Variants in VRK2 observed in about 807,000 individuals in gnomAD.
VRK2 encodes serine/threonine-protein kinase VRK2.
In VRK2, 60 loss-of-function variants were observed where a neutral mutation model predicts 57.6. The observed-to-expected ratio is 1.04, with a 90% confidence interval of 0.85 to 1.29. The LOEUF (loss-of-function observed/expected upper bound fraction) is 1.29. Ranked by LOEUF, VRK2 falls within the 50% of genes most tolerant of loss-of-function variation. The pLI is 0.00. For synonymous variants in VRK2, 231 were observed against 199.2 expected, an observed-to-expected ratio of 1.16 and a Z score of -1.35; for missense variants, 705 against 588.1, an observed-to-expected ratio of 1.20 and a Z score of -2.06.
chr2:57,988,083 G>A (rs946281181), intron 1 of VRK2, among the ~76,000 whole-genome samples: 2 of 152,090 alleles, frequency 1.3e-5, no homozygotes, highest in African/African-American at 4.8e-5. Flanking sequence ...TGTAATGGTG[G>A]TGGTTACACA....
intron 1 of VRK2, among the ~76,000 whole-genome samples, chr2:57,909,488 G>C (rs1427722213): frequency 6.6e-6 from 1 of 151,180 alleles, no homozygotes; most frequent in Non-Finnish European, 1.5e-5. Context: ...TTTTTTTTTA[G>C]TTCTCAAAAG....
At position 58,130,173 on chromosome 2, in the gene VRK2, CT is replaced by C. The variant is rs375358000; in HGVS notation, c.677-1634del. On this transcript the variant is annotated intron_variant, in intron 8 of 12. Transcript: ENST00000340157. Reference sequence around the variant, plus strand: ...TCTATTTTAATTCTGATTATTTTTCCTCAAAGGGCCTCTTGTGTGTAGCTTA... The same window carrying C: ...TCTATTTTAATTCTGATTATTTTTCCCAAAGGGCCTCTTGTGTGTAGCTTA... 1.0e-3 allele frequency among the ~76,000 whole-genome samples: 157 copies of C among 152,168 alleles called. 1 individual carries two copies. Among genetic ancestry groups the C allele is most frequent in the African/African-American group, 3.7e-3 (152 of 41,536 alleles).
chr2:58,104,630 T>G (rs1200966094), intron 7 of VRK2, among the ~76,000 whole-genome samples: 1 of 151,836 alleles, frequency 6.6e-6, no homozygotes, highest in Non-Finnish European at 1.5e-5. Context: ...ATGAGCACAG[T>G]GCCCAAAACA....
At chr2:58,095,579 A>C (rs1673020622) in intron 7 of VRK2, among the ~76,000 whole-genome samples, 1 of 151,980 alleles carries the variant, frequency 6.6e-6, no homozygotes, top group Non-Finnish European at 1.5e-5. Flanking sequence ...TTTTGTTTAT[A>C]TATATGAAGA....
intron 1 of VRK2, among the ~76,000 whole-genome samples, chr2:57,927,337 C>T (rs572431239): frequency 3.4e-5 from 5 of 149,004 alleles, no homozygotes; most frequent in Non-Finnish European, 5.9e-5. Flanking sequence ...AGTCCAGTGG[C>T]GTGATCTCGA....
At chr2:58,130,261 A>T (rs1212227413) in intron 8 of VRK2, among the ~76,000 whole-genome samples, 2 of 152,154 alleles carry the variant, frequency 1.3e-5, no homozygotes, top group African/African-American at 4.8e-5. Flanking sequence ...GAGATTTTTT[A>T]AGTGATGGTA....
intron 9 of VRK2, among the ~76,000 whole-genome samples, chr2:58,133,091 AAACT>A (rs1430301644): frequency 6.6e-6 from 1 of 152,130 alleles, no homozygotes; most frequent in Non-Finnish European, 1.5e-5. Flanking sequence ...CTATTTTAAA[AAACT>A]AACATTTTAA....
At chr2:57,950,197 A>G (rs1319395267) in intron 1 of VRK2, among the ~76,000 whole-genome samples, 3 of 152,190 alleles carry the variant, frequency 2.0e-5, no homozygotes, top group Admixed American at 6.5e-5. Context: ...TAAACAATAC[A>G]TTTTCCATGT....
At chr2:58,038,167 G>A (rs1674334348) in intron 3 of VRK2, among the ~76,000 whole-genome samples, 1 of 152,122 alleles carries the variant, frequency 6.6e-6, no homozygotes, top group Admixed American at 6.6e-5. Flanking sequence ...GAGAGGCCTG[G>A]TGGGAGGTGA....
At chr2:57,981,106 G>C (rs974231158) in intron 1 of VRK2, among the ~76,000 whole-genome samples, 1 of 152,104 alleles carries the variant, frequency 6.6e-6, no homozygotes, top group African/African-American at 2.4e-5. Flanking sequence ...ATGTAGATTT[G>C]ATTGTATAGT....
chr2:58,137,023 ATG>A (rs1217564280), intron 10 of VRK2, among the ~76,000 whole-genome samples: 3 of 131,436 alleles, frequency 2.3e-5, no homozygotes, highest in Non-Finnish European at 3.1e-5. Context: ...TATATCTCAT[ATG>A]TGTATATATA....
At chr2:58,033,160 G>C (rs1354016629) in intron 2 of VRK2, 1 of 152,022 alleles carries the variant, frequency 6.6e-6, no homozygotes, top group Non-Finnish European at 1.5e-5. Flanking sequence ...ACTGTGTTTT[G>C]AATTTTTAAG....
intron 1 of VRK2, among the ~76,000 whole-genome samples, chr2:57,928,344 T>C (rs921837675): frequency 1.3e-5 from 2 of 152,130 alleles, no homozygotes; most frequent in East Asian, 1.9e-4. Context: ...TTCTTTACTA[T>C]GTCCATTGCA....
chr2:58,068,778 T>G (rs1227198491), intron 2 of VRK2, among the ~76,000 whole-genome samples: 8 of 149,814 alleles, frequency 5.3e-5, no homozygotes, highest in African/African-American at 2.0e-4. Flanking sequence ...CTTTTTCTTA[T>G]GTCATCTCCC....
At chr2:58,044,299 A>C (rs1572823240), upstream of VRK2, among the ~76,000 whole-genome samples, 1 of 152,302 alleles carries the variant, frequency 6.6e-6, no homozygotes, top group South Asian at 2.1e-4. Context: ...TGTGTCCAGC[A>C]AACTTCTTTT....
At chr2:58,088,820 G>T (rs1019618654) in intron 6 of VRK2, among the ~76,000 whole-genome samples, 6 of 152,200 alleles carry the variant, frequency 3.9e-5, no homozygotes, top group Admixed American at 6.5e-5. Context: ...TGGTAGGGGG[G>T]TGCTATGAAG....
chr2:57,969,058 A>T lies in VRK2; in HGVS notation c.-438-56607A>T, dbSNP rs1672011139. 1.3e-5 allele frequency among the ~76,000 whole-genome samples: 2 copies of T among 152,094 alleles called. 1 individual carries two copies. The highest frequency in any genetic ancestry group is 4.1e-4 in the South Asian group (2 of 4,826). On this transcript the variant is annotated intron_variant, in intron 1 of 15. Transcript: ENST00000417641. ...TTTTCTTTTTTCAAAACACTTATTA[A>T]TGTATTATAAAATAGAGTGTTTGGG...
chr2:58,033,198 G>A (rs1558550746), intron 2 of VRK2: 1 of 151,974 alleles, frequency 6.6e-6, no homozygotes, highest in African/African-American at 2.4e-5. Flanking sequence ...CAACTCTGTG[G>A]TTGACACTCC....
chr2:58,083,939 G>T (rs1350113497), intron 2 of VRK2, 150 bp from the exon 3 acceptor site: 1 of 713,850 alleles, frequency 1.4e-6, no homozygotes. Flanking sequence ...ATAAAATGGA[G>T]ATGATTGATT....
Sources: gnomAD v4.1 joint callset for allele counts (sites outside exome capture counted in the v4.1 genomes callset) on GRCh38, gnomAD v4.1.1 for gene constraint, MANE v1.5 for transcripts, NCBI Gene and HGNC (gene_info 2026-07-23, HGNC 2026-07-21) for gene names.